The following ASCC1 variants were observed in gnomAD, a reference collection of about 807,000 sequenced individuals.
The protein encoded by ASCC1 is activating signal cointegrator 1 complex subunit 1.
In ASCC1, 35 loss-of-function variants were observed where a neutral mutation model predicts 46.6. The observed-to-expected ratio is 0.75, with a 90% CI of 0.57 to 0.99. ASCC1 has a LOEUF of 0.99. ASCC1 is among the 50% of genes least tolerant of loss of function. The probability of loss-of-function intolerance (pLI) is 0.00; values close to 1 mark genes in which losing one functional copy is unlikely to be tolerated. For missense variants in ASCC1, 376 were observed against 428.7 expected (o/e 0.88, Z 1.09); for synonymous variants, 143 against 146.6 (o/e 0.98, Z 0.18).
In ASCC1 at chr10:72,132,731, T is replaced by TA. The variant is rs77464863; in HGVS notation, c.871+325dup. On this transcript the variant is annotated intron_variant, in intron 8 of 9. Coordinates refer to ENST00000672957, the MANE Select transcript of ASCC1 (RefSeq NM_001198800.3). Reference sequence around the variant, plus strand: ...CTCACCTTCCTTTCTTTTTTCTCTTTAAAAAAAAAAAAAGCCACCAAGTAT... The same window carrying TA: ...CTCACCTTCCTTTCTTTTTTCTCTTTAAAAAAAAAAAAAAGCCACCAAGTAT... 3.5e-3 allele frequency among the ~76,000 whole-genome samples: 497 copies of TA among 141,012 alleles called. 2 individuals are homozygous for TA. The highest frequency in any genetic ancestry group is 0.01 in the African/African-American group (386 of 38,572). The allele number at this position is 141,012 out of a possible 152,430, so 92.5% of individuals were successfully genotyped here.
chr10:72,207,405 A>G (rs7079907), intron 3 of ASCC1, among the ~76,000 whole-genome samples: 21,518 of 152,190 alleles, frequency 0.14, 4,345 homozygotes, highest in African/African-American at 0.45. Context: ...CAGAGTGAGA[A>G]TCCGTCTCAA....
Position 72,097,124 on chromosome 10 carries a change from A to G in ASCC1, c.*210T>C. ...AAAAAACCAGAACACACTAAGGGTTATAGGCACAAATTCTCCTTATGCCCA... is the reference window on the plus strand; with the variant it reads ...AAAAAACCAGAACACACTAAGGGTTGTAGGCACAAATTCTCCTTATGCCCA... On this transcript the variant is annotated 3_prime_UTR_variant, in exon 10 of 10. Coordinates refer to ENST00000672957, the MANE Select transcript of ASCC1 (RefSeq NM_001198800.3). 1.6e-6 allele frequency: 1 copy of G among 640,850 alleles called. No homozygotes were observed. Among genetic ancestry groups the G allele is most frequent in the Non-Finnish European group, 2.9e-6 (1 of 342,710 alleles). The allele number at this position is 640,850 out of a possible 1,614,324, so 39.7% of individuals were successfully genotyped here. A position where few individuals can be genotyped will look rare whatever the true frequency, so the allele number is the denominator to read the frequency against.
At chr10:72,198,989 G>A (rs1201303641) in intron 4 of ASCC1, among the ~76,000 whole-genome samples, 1 of 150,076 alleles carries the variant, frequency 6.7e-6, no homozygotes, top group Non-Finnish European at 1.5e-5. Context: ...GCTAATTTTT[G>A]TATTCTTAGG....
chr10:72,158,916 T>C (rs1182568679), intron 6 of ASCC1: 1 of 152,168 alleles, frequency 6.6e-6, no homozygotes, highest in Non-Finnish European at 1.5e-5. Flanking sequence ...CAAGAAAAAA[T>C]TCGATGATCC....
At chr10:72,205,826 T>A (rs1231578867) in intron 3 of ASCC1, among the ~76,000 whole-genome samples, 1 of 150,830 alleles carries the variant, frequency 6.6e-6, no homozygotes, top group African/African-American at 2.4e-5. Flanking sequence ...TTAAATTAAA[T>A]TTGGCTGGGG....
intron 3 of ASCC1, among the ~76,000 whole-genome samples, chr10:72,210,177 A>C (rs1159677762): frequency 9.2e-6 from 1 of 109,220 alleles, no homozygotes; most frequent in Non-Finnish European, 1.6e-5. Flanking sequence ...TTTTTTTTTT[A>C]AGACTAAGTT....
intron 9 of ASCC1, among the ~76,000 whole-genome samples, chr10:72,108,076 CTT>C (rs375287948): frequency 4.9e-4 from 63 of 128,268 alleles, no homozygotes; most frequent in Admixed American, 9.5e-4. Context: ...TTTTCTTTTT[CTT>C]TTTTTTTTTT....
intron 5 of ASCC1, among the ~76,000 whole-genome samples, chr10:72,178,766 A>G (rs1312184811): frequency 6.6e-6 from 1 of 152,196 alleles, no homozygotes; most frequent in East Asian, 1.9e-4. Context: ...AATTTTTTAC[A>G]CAGCAATAGA....
chr10:72,182,010 T>G (rs560013122), intron 5 of ASCC1, among the ~76,000 whole-genome samples: 173 of 152,016 alleles, frequency 1.1e-3, no homozygotes, highest in African/African-American at 3.9e-3. Context: ...ACACATGTAA[T>G]CAGGGTTCCA....
intron 5 of ASCC1, among the ~76,000 whole-genome samples, chr10:72,183,148 T>A (rs1589505160): frequency 6.6e-6 from 1 of 151,160 alleles, no homozygotes; most frequent in Non-Finnish European, 1.5e-5. Flanking sequence ...GTTCAAGCGA[T>A]CCTCCCTGCC....
chr10:72,125,721 G>A (rs1028059316), intron 9 of ASCC1, among the ~76,000 whole-genome samples: 1 of 152,146 alleles, frequency 6.6e-6, no homozygotes, highest in Non-Finnish European at 1.5e-5. Flanking sequence ...TGGAACTAGT[G>A]ATTAAGGAGT....
intron 5 of ASCC1, among the ~76,000 whole-genome samples, chr10:72,168,755 A>T (rs1272221269): frequency 9.2e-5 from 14 of 152,202 alleles, no homozygotes; most frequent in Non-Finnish European, 1.5e-5. Context: ...AAGCACAGAG[A>T]AAAGGCCGGC....
At chr10:72,140,012 TTAGGACCAGTA>T (rs1317274951) in intron 7 of ASCC1, among the ~76,000 whole-genome samples, 8 of 152,070 alleles carry the variant, frequency 5.3e-5, no homozygotes, top group African/African-American at 1.9e-4. Flanking sequence ...TATAGTGGGG[TTAGGACCAGTA>T]TAGGTTGCAA....
chr10:72,198,690 T>C, intron 4 of ASCC1: 1 of 456,090 alleles, frequency 2.2e-6, no homozygotes, highest in Non-Finnish European at 4.4e-6. Flanking sequence ...ACAAAAGAAA[T>C]GGGTAAATCA....
chr10:72,129,634 C>T (rs1243689152), intron 8 of ASCC1, among the ~76,000 whole-genome samples: 2 of 150,856 alleles, frequency 1.3e-5, no homozygotes, highest in Non-Finnish European at 3.0e-5. Flanking sequence ...GGTGAAACCC[C>T]GTCTCTACTA....
intron 5 of ASCC1, chr10:72,190,664 G>C: frequency 1.4e-6 from 1 of 698,922 alleles, no homozygotes; most frequent in Non-Finnish European, 2.3e-6. Context: ...GTTAAAGCTA[G>C]TCTGCAAATT....
intron 5 of ASCC1, among the ~76,000 whole-genome samples, chr10:72,179,757 A>G (rs1464347649): frequency 6.6e-6 from 1 of 152,204 alleles, no homozygotes; most frequent in African/African-American, 2.4e-5. Flanking sequence ...AAAGCTCAAT[A>G]CATATTTGCT....
chr10:72,161,647 G>A lies in ASCC1; in HGVS notation c.517C>T (p.Gln173Ter). The stretch of plus-strand genomic sequence containing the variant: ...GTTAGATGAAGCTTTTTAGGATTCT[G>A]GAAAATGCTGCTGTCAACCCCATGA... ...MDHGVDSSIF[Q>*]NPKKLHLTIG... is the part of the protein sequence containing the mutation. Residue 173 changes from glutamine (Q) to a stop codon, truncating the protein, a stop_gained, in exon 6 of 10, where the codon CAG (glutamine) becomes TAG (stop). Transcript: ENST00000672957. LOFTEE classifies it high-confidence loss of function. 6.2e-7 allele frequency: 1 copy of A among 1,614,068 alleles called. No individual in the cohort carries two copies. Among genetic ancestry groups the A allele is most frequent in the South Asian group, 1.1e-5 (1 of 91,076 alleles).
intron 5 of ASCC1, among the ~76,000 whole-genome samples, chr10:72,194,357 CA>C (rs60115417): frequency 0.16 from 19,728 of 120,254 alleles, 3,699 homozygotes; most frequent in African/African-American, 0.46. Context: ...AACTGAAATA[CA>C]AAAAAAAAAA....
Sources: gnomAD v4.1 joint callset for allele counts (sites outside exome capture counted in the v4.1 genomes callset) on GRCh38, gnomAD v4.1.1 for gene constraint, MANE v1.5 for transcripts, NCBI Gene and HGNC (gene_info 2026-07-23, HGNC 2026-07-21) for gene names.